Variants in MCOLN2 observed in about 807,000 individuals in gnomAD.
MCOLN2 encodes the protein mucolipin-2.
In MCOLN2, 57 loss-of-function variants were observed where a neutral mutation model predicts 67.5. The observed-to-expected ratio is 0.84, with a 90% CI of 0.68 to 1.05. The LOEUF (loss-of-function observed/expected upper bound fraction) is 1.05, where lower values mean the gene tolerates loss of function less well. Among genes scored for constraint, MCOLN2 ranks in the 50% least tolerant of loss-of-function variants. The pLI is 0.00. For synonymous variants in MCOLN2, 246 were observed against 233.3 expected (o/e 1.05, Z -0.50); for missense variants, 620 against 678.8 (o/e 0.91, Z 0.96).
chr1:84,996,939 T>G lies in MCOLN2; in HGVS notation c.-67A>C. Reference sequence around the variant, plus strand: ...ACAGGAAACACCGTTCACGGCCGACTCATTTCGCCCTCGCCGTAACGCGTC... The same window carrying G: ...ACAGGAAACACCGTTCACGGCCGACGCATTTCGCCCTCGCCGTAACGCGTC... On this transcript the variant is annotated 5_prime_UTR_variant, in exon 1 of 14. Transcript: ENST00000370608. 1 of 1,426,172 alleles carries G rather than the reference T, an allele frequency of 7.0e-7. No individual in the cohort carries two copies. Among genetic ancestry groups the G allele is most frequent in the Non-Finnish European group, 9.9e-7 (1 of 1,013,068 alleles). 88.3% of individuals were successfully genotyped at this position (1,426,172 alleles called of 1,614,324 possible).
At chr1:84,949,241 A>G (rs1350840524) in intron 6 of MCOLN2, among the ~76,000 whole-genome samples, 1 of 152,248 alleles carries the variant, frequency 6.6e-6, no homozygotes, top group African/African-American at 2.4e-5. Context: ...GGACATCCAG[A>G]TCTAGGAAGC....
At chr1:84,970,424 C>G (rs1268426070) in intron 1 of MCOLN2, among the ~76,000 whole-genome samples, 1 of 151,370 alleles carries the variant, frequency 6.6e-6, no homozygotes, top group Non-Finnish European at 1.5e-5. Flanking sequence ...AATCCCAGTA[C>G]TTTGGGAGGG....
intron 13 of MCOLN2, among the ~76,000 whole-genome samples, chr1:84,927,035 A>G (rs768447509): frequency 6.6e-6 from 1 of 151,406 alleles, no homozygotes; most frequent in African/African-American, 2.4e-5. Context: ...CACACGGGGA[A>G]ATGTTGGGGG....
At chr1:84,995,788 T>A (rs1223259531) in intron 1 of MCOLN2, among the ~76,000 whole-genome samples, 1 of 142,934 alleles carries the variant, frequency 7.0e-6, no homozygotes, top group Non-Finnish European at 1.6e-5. Context: ...ATATTTTATA[T>A]CTATTACTCT....
At chr1:84,967,787 A>AAG (rs1649457070) in intron 1 of MCOLN2, among the ~76,000 whole-genome samples, 1 of 126,704 alleles carries the variant, frequency 7.9e-6, no homozygotes, top group Non-Finnish European at 1.7e-5. Context: ...GGAGGGAAGG[A>AAG]GAAAAAGGAG....
In MCOLN2 at chr1:84,969,962, G is replaced by A. The variant is rs545699388; in HGVS notation, c.78-4254C>T. On this transcript the variant is annotated intron_variant, in intron 1 of 13. Coordinates refer to ENST00000370608, the MANE Select transcript of MCOLN2 (RefSeq NM_153259.4). ...AAGTGCTACGGGGGCATGTGACTGGGCGCATTGAGGGAGGCATTTCCAAGA... is the reference window on the plus strand; with the variant it reads ...AAGTGCTACGGGGGCATGTGACTGGACGCATTGAGGGAGGCATTTCCAAGA... Among the ~76,000 whole-genome samples the A allele has an allele frequency of 5.3e-5, 8 of 152,286 alleles. No homozygotes were observed. In the East Asian group the frequency reaches 1.2e-3, roughly 22 times the overall value.
At position 84,925,654 on chromosome 1, in the gene MCOLN2, A is replaced by G. The variant is rs1247636567; in HGVS notation, c.*1031T>C. On this transcript the variant is annotated 3_prime_UTR_variant, in exon 14 of 14. Transcript: ENST00000370608. ...TTTTCTAGACAAAGGTAAATACCCA[A>G]CCCAGCAGAGTTCAATTGTTAAAAT... 6.6e-6 allele frequency: 1 copy of G among 152,230 alleles called. No homozygotes were observed. The highest frequency in any genetic ancestry group is 2.4e-5 in the African/African-American group (1 of 41,454). 9.4% of individuals were successfully genotyped at this position (152,230 alleles called of 1,614,324 possible). A position where few individuals can be genotyped will look rare whatever the true frequency, so the allele number is the denominator to read the frequency against.
chr1:84,956,294 A>G (rs944997874), intron 4 of MCOLN2, 137 bp downstream of exon 4: 1 of 736,100 alleles, frequency 1.4e-6, no homozygotes, highest in Non-Finnish European at 2.2e-6. Context: ...TCTGCAGGCC[A>G]GTGTTGGAGT....
At chr1:84,947,191 C>T (rs779495206) in intron 6 of MCOLN2, 59 bp from the exon 7 acceptor site, 8 of 866,430 alleles carry the variant, frequency 9.2e-6, no homozygotes, top group South Asian at 4.2e-5. Flanking sequence ...CATGTTAGAT[C>T]AAATCTGCTT....
intron 1 of MCOLN2, among the ~76,000 whole-genome samples, chr1:84,982,308 A>T (rs1650298958): frequency 6.6e-6 from 1 of 152,170 alleles, no homozygotes; most frequent in Non-Finnish European, 1.5e-5. Context: ...TAATTTTTTA[A>T]AATAAAAAAA....
At chr1:84,949,274 A>T (rs551581735) in intron 6 of MCOLN2, among the ~76,000 whole-genome samples, 2 of 152,296 alleles carry the variant, frequency 1.3e-5, no homozygotes, top group South Asian at 4.1e-4. Flanking sequence ...AATTAGATTC[A>T]CCCCAAAAAG....
intron 13 of MCOLN2, 63 bp downstream of exon 13, chr1:84,929,495 G>T: frequency 1.4e-6 from 2 of 1,481,228 alleles, no homozygotes; most frequent in South Asian, 1.4e-5. Flanking sequence ...TCTTGGAGGG[G>T]CTCTTTCTTA....
intron 7 of MCOLN2, 49 bp downstream of exon 7, chr1:84,946,984 T>C (rs533568408): frequency 1.1e-5 from 10 of 884,500 alleles, no homozygotes; most frequent in Non-Finnish European, 1.9e-6. Flanking sequence ...CAAAATAAAG[T>C]GTTAAAAATC....
chr1:84,990,595 T>C (rs1281492508), intron 1 of MCOLN2, among the ~76,000 whole-genome samples: 1 of 152,068 alleles, frequency 6.6e-6, no homozygotes, highest in African/African-American at 2.4e-5. Flanking sequence ...AGTTACAGAA[T>C]AGATATAGTG....
chr1:84,996,393 CATATATATATATAT>C lies in MCOLN2; in HGVS notation c.77+389_77+402del, dbSNP rs6143310. 1.7e-3 allele frequency among the ~76,000 whole-genome samples: 216 copies of C among 123,942 alleles called. 2 individuals are homozygous for C. The highest frequency in any genetic ancestry group is 4.2e-3 in the Middle Eastern group (1 of 238). 81.3% of individuals were successfully genotyped at this position (123,942 alleles called of 152,430 possible). On this transcript the variant is annotated intron_variant, in intron 1 of 13. Transcript: ENST00000370608. ...CACACTTACACATACGTATATATTT[CATATATATATATAT>C]ATATATATATATATATATATATATG...
Position 84,965,546 on chromosome 1 carries a change from T to C in MCOLN2, c.237+3A>G. The C allele has an allele frequency of 1.2e-6, 2 of 1,612,016 alleles. No homozygotes were observed. The highest frequency in any genetic ancestry group is 2.2e-5 in the South Asian group (2 of 90,538). On this transcript the variant is annotated splice_donor_region_variant and intron_variant, in intron 2 of 13. Coordinates refer to ENST00000370608, the MANE Select transcript of MCOLN2 (RefSeq NM_153259.4). ...AACCAAATGAAATAATAAGATAGGT[T>C]ACCTGTGTGGTGACCATGACTATCT...
At chr1:84,987,680 ATATAGATG>A (rs888454199) in intron 1 of MCOLN2, among the ~76,000 whole-genome samples, 1 of 147,994 alleles carries the variant, frequency 6.8e-6, no homozygotes, top group African/African-American at 2.5e-5. Flanking sequence ...GTATATAGAT[ATATAGATG>A]TATAGATGTA....
chr1:84,925,602 T>A lies in MCOLN2; in HGVS notation c.*1083A>T, dbSNP rs1051418573. 6.6e-6 allele frequency: 1 copy of A among 152,140 alleles called. No homozygotes were observed. The highest frequency in any genetic ancestry group is 1.5e-5 in the Non-Finnish European group (1 of 68,036). 9.4% of individuals were successfully genotyped at this position (152,140 alleles called of 1,614,324 possible). On this transcript the variant is annotated 3_prime_UTR_variant, in exon 14 of 14. Transcript: ENST00000370608. ...GCCATATGGAATGATGAAAATAAAT[T>A]TATTTAGAGAAAATATATCATATTT...
chr1:84,950,232 A>G (rs1448934918), intron 6 of MCOLN2, among the ~76,000 whole-genome samples: 1 of 152,240 alleles, frequency 6.6e-6, no homozygotes, highest in African/African-American at 2.4e-5. Flanking sequence ...GTTATTAGTG[A>G]AACAAATATG....
Sources: gnomAD v4.1 joint callset for allele counts (sites outside exome capture counted in the v4.1 genomes callset) on GRCh38, gnomAD v4.1.1 for gene constraint, MANE v1.5 for transcripts, NCBI Gene and HGNC (gene_info 2026-07-23, HGNC 2026-07-21) for gene names.